The following CC2D2B variants were observed in gnomAD, a reference collection of about 807,000 sequenced individuals.
CC2D2B encodes the protein protein CC2D2B.
Under a neutral mutation model 161.2 loss-of-function variants are expected in CC2D2B, and 128 were observed. That is an observed-to-expected ratio of 0.79 (90% CI 0.69 to 0.92). CC2D2B has a LOEUF of 0.92. CC2D2B is among the 40% of genes least tolerant of loss of function. The pLI is 0.00. For synonymous variants in CC2D2B, 391 were observed against 449.8 expected, an observed-to-expected ratio of 0.87 and a Z score of 1.65; for missense variants, 1,173 against 1,375.1, an observed-to-expected ratio of 0.85 and a Z score of 2.32.
At chr10:96,004,975 C>T (rs2078682034) in intron 25 of CC2D2B, among the ~76,000 whole-genome samples, 1 of 152,188 alleles carries the variant, frequency 6.6e-6, no homozygotes, top group Non-Finnish European at 1.5e-5. Context: ...TCTGTAAAAA[C>T]CACTGCAAAT....
In CC2D2B at chr10:95,942,008, A is replaced by G. The variant is rs79361858; in HGVS notation, c.801+3083A>G. ...GTAGCCATAAATAATAAATCTTGTC[A>G]TATGCTAAAACATGGGTGAAGCTTG... On this transcript the variant is annotated intron_variant, in intron 9 of 34. Coordinates refer to ENST00000646931, the MANE Select transcript of CC2D2B (RefSeq NM_001349008.3). Among the ~76,000 whole-genome samples the G allele has an allele frequency of 5.0e-3, 766 of 152,330 alleles. 7 individuals are homozygous for G. The highest frequency in any genetic ancestry group is 0.017 in the African/African-American group (722 of 41,576).
At chr10:95,978,800 A>G (rs1028479831) in intron 17 of CC2D2B, among the ~76,000 whole-genome samples, 7 of 152,110 alleles carry the variant, frequency 4.6e-5, no homozygotes, top group Non-Finnish European at 8.8e-5. Context: ...AACTTTGTCC[A>G]GTATAAGGTT....
intron 10 of CC2D2B, among the ~76,000 whole-genome samples, chr10:95,954,444 AGGACTGTCTGTTCCT>A (rs1019580893): frequency 6.6e-6 from 1 of 152,130 alleles, no homozygotes; most frequent in Non-Finnish European, 1.5e-5. Context: ...GGTTTGCTTG[AGGACTGTCTGTTCCT>A]CATATGACAT....
chr10:96,027,334 G>A lies in CC2D2B; in HGVS notation c.4070G>A (p.Ser1357Asn), dbSNP rs1474217062. The change falls in exon 34 of 35, where the codon AGC becomes AAC. Residue 1357 changes from serine (S) to asparagine (N), a missense_variant. By Grantham distance (46) the Ser-to-Asn change is conservative. Transcript: ENST00000646931. ...CCTAAGCTGGAATTTGGCATAGGAA[G>A]CTTTGTTTCATCTGAAGGAGATAAT... ...ILPKLEFGIG[S>N]FVSSEGDNEF... 1 of 1,550,832 alleles carries A rather than the reference G, an allele frequency of 6.4e-7. No individual in the cohort carries two copies. The highest frequency in any genetic ancestry group is 1.4e-5 in the African/African-American group (1 of 73,004).
chr10:95,943,766 G>A (rs2076101051), intron 9 of CC2D2B, among the ~76,000 whole-genome samples: 1 of 151,870 alleles, frequency 6.6e-6, no homozygotes. Flanking sequence ...TGCTCATTTA[G>A]TCTTGCCTCT....
In CC2D2B at chr10:95,928,517, G is replaced by A. The variant is rs193275634; in HGVS notation, c.336+1185G>A. Among the ~76,000 whole-genome samples the A allele has an allele frequency of 7.2e-5, 11 of 152,186 alleles. No homozygotes were observed. The East Asian group carries it at 1.4e-3, about 19-fold the overall frequency. ...GTGGTTTGCTTGCACCCATCAACCCGTCATCTACATTAGGTATTCTCCTAA... is the reference window on the plus strand; with the variant it reads ...GTGGTTTGCTTGCACCCATCAACCCATCATCTACATTAGGTATTCTCCTAA... On this transcript the variant is annotated intron_variant, in intron 6 of 34. Coordinates refer to ENST00000646931, the MANE Select transcript of CC2D2B (RefSeq NM_001349008.3).
chr10:95,985,197 C>T (rs1293800933), intron 19 of CC2D2B, among the ~76,000 whole-genome samples: 1 of 152,088 alleles, frequency 6.6e-6, no homozygotes, highest in African/African-American at 2.4e-5. Context: ...CAATTCTACC[C>T]ATATTAAACT....
At chr10:95,995,884 CTTGT>C (rs1297514393) in intron 23 of CC2D2B, among the ~76,000 whole-genome samples, 16 of 152,232 alleles carry the variant, frequency 1.1e-4, no homozygotes, top group Non-Finnish European at 1.8e-4. Flanking sequence ...TTTCATTGCA[CTTGT>C]TTGTTTACCT....
chr10:95,921,852 C>T (rs558129261), intron 2 of CC2D2B, among the ~76,000 whole-genome samples, 164 bp from the exon 3 acceptor site: 8 of 152,078 alleles, frequency 5.3e-5, no homozygotes, highest in South Asian at 2.1e-4. Flanking sequence ...ATGTAAATGA[C>T]GAGTTGATGG....
Position 95,968,911 on chromosome 10 carries a change from T to C in CC2D2B, c.1644+10T>C. 1.6e-6 allele frequency: 2 copies of C among 1,218,024 alleles called. No individual in the cohort carries two copies. The highest frequency in any genetic ancestry group is 2.1e-6 in the Non-Finnish European group (2 of 975,370). The allele number at this position is 1,218,024 out of a possible 1,614,324, so 75.5% of individuals were successfully genotyped here. ...AGTGATTTGTTTGGAGGTATGCCATTGTCATTTACTTTTGTATCTTATTTT... is the reference window on the plus strand; with the variant it reads ...AGTGATTTGTTTGGAGGTATGCCATCGTCATTTACTTTTGTATCTTATTTT... On this transcript the variant is annotated intron_variant, in intron 15 of 34. Coordinates refer to ENST00000646931, the MANE Select transcript of CC2D2B (RefSeq NM_001349008.3).
At chr10:95,970,253 C>G (rs2077079352) in intron 15 of CC2D2B, among the ~76,000 whole-genome samples, 1 of 151,986 alleles carries the variant, frequency 6.6e-6, no homozygotes, top group African/African-American at 2.4e-5. Flanking sequence ...AGGCTGGTCT[C>G]GAACTCCTGA....
At chr10:96,000,425 G>A (rs1974250) in intron 24 of CC2D2B, among the ~76,000 whole-genome samples, 50,107 of 151,878 alleles carry the variant, frequency 0.33, 8,658 homozygotes, top group Admixed American at 0.39. Flanking sequence ...GTGCAGTGGC[G>A]CGATCTGGGC....
rs1441152063 is a variant in CC2D2B, at chr10:95,937,986, A to G, written c.337-5A>G. The G allele has an allele frequency of 1.3e-6, 2 of 1,522,828 alleles. No individual in the cohort carries two copies. The highest frequency in any genetic ancestry group is 1.2e-5 in the South Asian group (1 of 82,434). The allele number at this position is 1,522,828 out of a possible 1,614,324, so 94.3% of individuals were successfully genotyped here. A position where few individuals can be genotyped will look rare whatever the true frequency, so the allele number is the denominator to read the frequency against. On this transcript the variant is annotated splice_region_variant and splice_polypyrimidine_tract_variant and intron_variant, in intron 6 of 34. Coordinates refer to ENST00000646931, the MANE Select transcript of CC2D2B (RefSeq NM_001349008.3). Reference sequence around the variant, plus strand: ...AAACTTATTTTCCTTTTTGGTATTCAACAGAGACCAGTAAACCGTAGTTAT... The same window carrying G: ...AAACTTATTTTCCTTTTTGGTATTCGACAGAGACCAGTAAACCGTAGTTAT...
intron 24 of CC2D2B, among the ~76,000 whole-genome samples, chr10:96,003,305 T>C (rs1034229088): frequency 6.6e-6 from 1 of 151,956 alleles, no homozygotes; most frequent in Non-Finnish European, 1.5e-5. Context: ...ACCTCCAAAA[T>C]GTACCTAATC....
Position 96,033,597 on chromosome 10 carries a change from A to G in CC2D2B, c.*1589A>G, listed in dbSNP as rs1035013103. 3.3e-5 allele frequency among the ~76,000 whole-genome samples: 5 copies of G among 152,128 alleles called. No individual in the cohort carries two copies. The highest frequency in any genetic ancestry group is 1.2e-4 in the African/African-American group (5 of 41,438). The stretch of plus-strand genomic sequence containing the variant: ...TACAGCTTTGAATATTTACATAGCT[A>G]TTTTATTTGTTGTTCAGGGTTTTTA... On this transcript the variant is annotated 3_prime_UTR_variant, in exon 35 of 35. Transcript: ENST00000646931.
intron 6 of CC2D2B, among the ~76,000 whole-genome samples, chr10:95,928,060 T>A (rs2098542697): frequency 6.6e-6 from 1 of 152,170 alleles, no homozygotes; most frequent in Non-Finnish European, 1.5e-5. Flanking sequence ...TTCTACATAA[T>A]GTCTTTTGAC....
In CC2D2B at chr10:95,992,566, G is replaced by A; in HGVS notation, c.2511G>A (p.Arg837=). 4 of 1,234,192 alleles carry A rather than the reference G, an allele frequency of 3.2e-6. No individual in the cohort carries two copies. Among genetic ancestry groups the A allele is most frequent in the Non-Finnish European group, 4.0e-6 (4 of 988,068 alleles). The allele number at this position is 1,234,192 out of a possible 1,614,324, so 76.5% of individuals were successfully genotyped here. A position where few individuals can be genotyped will look rare whatever the true frequency, so the allele number is the denominator to read the frequency against. ...CAGTTTGTAAGTTTGTTGAACCACG[G>A]AGAAAGTTAAAACCTCAGAGGAAAG... ...TDAVCKFVEP[R]RKLKPQRKER... Residue 837 remains arginine, a synonymous_variant, in exon 22 of 35, where the codon CGG becomes CGA. Transcript: ENST00000646931.
intron 26 of CC2D2B, 45 bp downstream of exon 26, chr10:96,009,968 G>T: frequency 1.6e-6 from 2 of 1,236,528 alleles, no homozygotes; most frequent in South Asian, 2.5e-5. Flanking sequence ...TTGACCTCTG[G>T]CTCATAGAAA....
At chr10:95,946,368 C>T (rs2076198792) in intron 9 of CC2D2B, among the ~76,000 whole-genome samples, 1 of 152,176 alleles carries the variant, frequency 6.6e-6, no homozygotes, top group African/African-American at 2.4e-5. Flanking sequence ...AGGGCAGAGG[C>T]TTGTGTCACT....
Sources: allele counts gnomAD v4.1 joint callset (sites outside exome capture counted in the v4.1 genomes callset), GRCh38; gene constraint gnomAD v4.1.1; transcripts MANE v1.5; gene names NCBI Gene and HGNC (gene_info 2026-07-23, HGNC 2026-07-21).